Variants in ACSM4 observed in about 807,000 individuals in gnomAD.
ACSM4 encodes the protein acyl-CoA synthetase medium chain family member 4, also known as acyl-coenzyme A synthetase ACSM4, mitochondrial.
In ACSM4, 66 loss-of-function variants were observed where a neutral mutation model predicts 73.0. The observed-to-expected ratio is 0.90, with a 90% confidence interval of 0.74 to 1.11. ACSM4 has a LOEUF of 1.11. Ranked by LOEUF, ACSM4 falls within the 50% of genes least tolerant of loss-of-function variation. The pLI is 0.00. For synonymous variants in ACSM4, 222 were observed against 254.0 expected, an observed-to-expected ratio of 0.87 and a Z score of 1.20; for missense variants, 645 against 714.4, an observed-to-expected ratio of 0.90 and a Z score of 1.11.
chr12:7,313,385 C>G (rs1181379938), intron 3 of ACSM4, among the ~76,000 whole-genome samples: 1 of 152,120 alleles, frequency 6.6e-6, no homozygotes, highest in Admixed American at 6.6e-5. Flanking sequence ...TCTCTAAAAA[C>G]TAGGGAAGGG....
chr12:7,323,541 G>C lies in ACSM4; in HGVS notation c.1289G>C (p.Cys430Ser), dbSNP rs1946480649. Residue 430 changes from cysteine (C) to serine (S), a missense_variant, in exon 9 of 13, where the codon TGT (cysteine) becomes TCT (serine). Coordinates refer to ENST00000399422, the MANE Select transcript of ACSM4 (RefSeq NM_001080454.2). ...ALRLKPTRPF[C>S]FFSKYVDNPQ... ...AGACTCAAACCTACACGGCCCTTCT[G>C]TTTCTTCTCTAAATATGTGGTATGA... 6 of 1,613,536 alleles carry C rather than the reference G, an allele frequency of 3.7e-6. No homozygotes were observed. Among genetic ancestry groups the C allele is most frequent in the Non-Finnish European group, 5.1e-6 (6 of 1,179,540 alleles).
At chr12:7,305,943 C>A (rs1243007710) in intron 1 of ACSM4, among the ~76,000 whole-genome samples, 1 of 152,156 alleles carries the variant, frequency 6.6e-6, no homozygotes, top group Admixed American at 6.5e-5. Flanking sequence ...CTCTAGAAGT[C>A]AATAAATTGA....
Position 7,323,286 on chromosome 12 carries a change from G to T in ACSM4, c.1178G>T (p.Gly393Val). The T allele has an allele frequency of 6.2e-7, 1 of 1,611,276 alleles. No homozygotes were observed. The highest frequency in any genetic ancestry group is 8.5e-7 in the Non-Finnish European group (1 of 1,178,836). ...KGQEIKPGSMGKGMLPYDVQI... is the reference protein window; with the variant it reads ...KGQEIKPGSMVKGMLPYDVQI... ...CAAGAAATTAAACCAGGTTCAATGG[G>T]GAAAGGAATGCTGCCCTATGATGTC... Residue 393 changes from glycine (G) to valine (V), a missense_variant, in exon 8 of 13, where the codon GGG (glycine) becomes GTG (valine). Gly to Val is a moderately radical substitution (Grantham distance 109). Transcript: ENST00000399422.
chr12:7,305,620 G>A (rs1183762657), intron 1 of ACSM4, among the ~76,000 whole-genome samples: 2 of 152,132 alleles, frequency 1.3e-5, no homozygotes, highest in Non-Finnish European at 2.9e-5. Flanking sequence ...CCCAGTCCCT[G>A]ATCTTTACAG....
intron 12 of ACSM4, among the ~76,000 whole-genome samples, 171 bp from the exon 13 acceptor site, chr12:7,328,116 A>G (rs1241868824): frequency 6.6e-6 from 1 of 152,170 alleles, no homozygotes; most frequent in South Asian, 2.1e-4. Context: ...CTACACTATC[A>G]CCCTTCCTAC....
Position 7,310,536 on chromosome 12 carries a change from C to G in ACSM4, c.413-3C>G. ...TCAGTGCAGGGCCCTCTGTCCTTCC[C>G]AGGGATCATCTTCATGCCGGGAACA... On this transcript the variant is annotated splice_polypyrimidine_tract_variant and splice_region_variant and intron_variant, in intron 2 of 12. Transcript: ENST00000399422. The G allele has an allele frequency of 6.2e-7, 1 of 1,601,484 alleles. No individual in the cohort carries two copies.
chr12:7,314,321 T>C (rs931610993), intron 3 of ACSM4, among the ~76,000 whole-genome samples: 1 of 152,140 alleles, frequency 6.6e-6, no homozygotes, highest in African/African-American at 2.4e-5. Context: ...AGTAGGTACA[T>C]GAGTCTCAGG....
At chr12:7,324,163 A>G in intron 9 of ACSM4, 110 bp from the exon 10 acceptor site, 1 of 1,383,836 alleles carries the variant, frequency 7.2e-7, no homozygotes, top group South Asian at 1.5e-5. Flanking sequence ...CTCAAAAAAA[A>G]AAAAATTTCC....
chr12:7,310,660 T>C lies in ACSM4; in HGVS notation c.534T>C (p.Ile178=), dbSNP rs1946385505. Residue 178 remains isoleucine, a synonymous_variant, in exon 3 of 13, where the codon ATT becomes ATC. Coordinates refer to ENST00000399422, the MANE Select transcript of ACSM4 (RefSeq NM_001080454.2). Reference sequence around the variant, plus strand: ...AGGTGGCCCCAGCGGTGGAGTCCATTGTATTGGAGTGTCCTGACCTTAAGA... The same window carrying C: ...AGGTGGCCCCAGCGGTGGAGTCCATCGTATTGGAGTGTCCTGACCTTAAGA... ...SEEVAPAVES[I]VLECPDLKTK... The C allele has an allele frequency of 6.2e-7, 1 of 1,613,464 alleles. No homozygotes were observed. The highest frequency in any genetic ancestry group is 1.1e-5 in the South Asian group (1 of 90,942).
At position 7,306,515 on chromosome 12, in the gene ACSM4, C is replaced by T; in HGVS notation, c.202-18C>T. 6.4e-7 allele frequency: 1 copy of T among 1,568,396 alleles called. No individual in the cohort carries two copies. The highest frequency in any genetic ancestry group is 2.4e-5 in the East Asian group (1 of 42,456). On this transcript the variant is annotated intron_variant, in intron 1 of 12. Transcript: ENST00000399422. Reference sequence around the variant, plus strand: ...TCATGTAAACCTACCCCTCTCTTTTCCATGTGTCCCTGGTCAGACAGGGGA... The same window carrying T: ...TCATGTAAACCTACCCCTCTCTTTTTCATGTGTCCCTGGTCAGACAGGGGA...
chr12:7,308,933 A>G (rs749479023), intron 2 of ACSM4, among the ~76,000 whole-genome samples: 1 of 152,134 alleles, frequency 6.6e-6, no homozygotes, highest in Non-Finnish European at 1.5e-5. Context: ...ATCCTTTGCC[A>G]CTTATTGACT....
chr12:7,320,653 G>A, intron 5 of ACSM4, 72 bp from the exon 6 acceptor site: 1 of 1,259,772 alleles, frequency 7.9e-7, no homozygotes. Context: ...AAATAACAGG[G>A]TGTAGATATC....
chr12:7,308,771 T>C (rs1269972705), intron 2 of ACSM4, among the ~76,000 whole-genome samples: 1 of 152,228 alleles, frequency 6.6e-6, no homozygotes, highest in Admixed American at 6.5e-5. Context: ...TAAAAGCTTT[T>C]AAAATATATT....
intron 12 of ACSM4, 123 bp from the exon 13 acceptor site, chr12:7,328,164 G>A (rs1042093802): frequency 1.5e-6 from 1 of 676,242 alleles, no homozygotes; most frequent in Non-Finnish European, 2.4e-6. Flanking sequence ...AATTCAATGA[G>A]CTTAGGCTAA....
chr12:7,315,243 TG>T (rs890580569), intron 3 of ACSM4, among the ~76,000 whole-genome samples: 5 of 150,480 alleles, frequency 3.3e-5, no homozygotes, highest in African/African-American at 9.8e-5. Flanking sequence ...TCAATGACAA[TG>T]TCACTCATTC....
intron 1 of ACSM4, 32 bp from the exon 2 acceptor site, chr12:7,306,501 T>C (rs761478387): frequency 5.1e-5 from 79 of 1,544,286 alleles, no homozygotes; most frequent in Non-Finnish European, 6.4e-5. Flanking sequence ...CATGTAAACC[T>C]ACCCCTCTCT....
intron 3 of ACSM4, among the ~76,000 whole-genome samples, chr12:7,312,585 A>C (rs984058303): frequency 1.4e-4 from 21 of 152,218 alleles, no homozygotes; most frequent in Non-Finnish European, 2.6e-4. Flanking sequence ...GCCAATCCCA[A>C]GGGCCACACC....
chr12:7,304,620 T>G, intron 1 of ACSM4, 88 bp downstream of exon 1: 1 of 1,351,346 alleles, frequency 7.4e-7, no homozygotes, highest in East Asian at 2.3e-5. Context: ...ACCACTTAAT[T>G]CCAATGCACT....
rs780220435 is a variant in ACSM4, at chr12:7,304,575, A to G, written c.201+43A>G. The G allele has an allele frequency of 2.6e-6, 4 of 1,563,402 alleles. No individual in the cohort carries two copies. In the Admixed American group the frequency reaches 6.7e-5, roughly 26 times the overall value. ...TCCAGTAGATGCTTGGTGTCCCCTTATCTCTCAGTCTTCCATTTCCTTGTT... is the reference window on the plus strand; with the variant it reads ...TCCAGTAGATGCTTGGTGTCCCCTTGTCTCTCAGTCTTCCATTTCCTTGTT... On this transcript the variant is annotated intron_variant, in intron 1 of 12. Transcript: ENST00000399422.
Sources: allele counts gnomAD v4.1 joint callset (sites outside exome capture counted in the v4.1 genomes callset), GRCh38; gene constraint gnomAD v4.1.1; transcripts MANE v1.5; gene names NCBI Gene and HGNC (gene_info 2026-07-23, HGNC 2026-07-21).